The following SPRED2 variants were observed in gnomAD, a reference collection of about 807,000 sequenced individuals.
The protein encoded by SPRED2 is sprouty-related, EVH1 domain-containing protein 2.
In SPRED2, 47 loss-of-function variants were observed where a neutral mutation model predicts 43.0. That is an observed-to-expected ratio of 1.09 (90% confidence interval 0.87 to 1.40). The LOEUF is 1.40. Among genes scored for constraint, SPRED2 ranks in the 40% most tolerant of loss-of-function variants. The pLI is 0.00. For missense variants in SPRED2, 561 were observed against 586.4 expected (o/e 0.96, Z 0.45); for synonymous variants, 225 against 225.7 (o/e 1.00, Z 0.03).
chr2:65,403,433 C>T (rs922747216), intron 1 of SPRED2, among the ~76,000 whole-genome samples: 3 of 152,154 alleles, frequency 2.0e-5, no homozygotes, highest in Non-Finnish European at 4.4e-5. Context: ...GCCACTGCAC[C>T]TGGATAATTT....
At chr2:65,359,198 A>G (rs932562327) in intron 1 of SPRED2, among the ~76,000 whole-genome samples, 1 of 152,214 alleles carries the variant, frequency 6.6e-6, no homozygotes, top group African/African-American at 2.4e-5. Context: ...ACAGAGGGAC[A>G]GGATTTGTCC....
intron 1 of SPRED2, among the ~76,000 whole-genome samples, chr2:65,349,204 G>A (rs1385062107): frequency 6.6e-6 from 1 of 151,288 alleles, no homozygotes; most frequent in East Asian, 2.0e-4. Flanking sequence ...AGCTACTCAG[G>A]AGGCTGAGGC....
chr2:65,417,208 C>A (rs532489414), intron 1 of SPRED2, among the ~76,000 whole-genome samples: 1 of 152,228 alleles, frequency 6.6e-6, no homozygotes, highest in African/African-American at 2.4e-5. Flanking sequence ...ATGGGGAGAA[C>A]AGAAGGCACT....
chr2:65,330,969 T>C (rs1423908688), intron 4 of SPRED2, among the ~76,000 whole-genome samples: 2 of 144,444 alleles, frequency 1.4e-5, no homozygotes, highest in Non-Finnish European at 3.0e-5. Flanking sequence ...AAAAGTTTTA[T>C]AATAAAAAAT....
At chr2:65,341,603 T>C (rs1674188010) in intron 2 of SPRED2, among the ~76,000 whole-genome samples, 1 of 152,158 alleles carries the variant, frequency 6.6e-6, no homozygotes, top group African/African-American at 2.4e-5. Flanking sequence ...CTTAGAGCAT[T>C]GAGTTTCCCC....
chr2:65,332,110 G>A (rs1211340986), intron 3 of SPRED2, 59 bp from the exon 4 acceptor site: 15 of 1,084,286 alleles, frequency 1.4e-5, no homozygotes, highest in African/African-American at 3.2e-5. Flanking sequence ...AAATCCAACC[G>A]TTTAAAAAAG....
At chr2:65,399,022 T>TAATCCC (rs1675820077) in intron 1 of SPRED2, among the ~76,000 whole-genome samples, 2 of 152,210 alleles carry the variant, frequency 1.3e-5, no homozygotes. Flanking sequence ...CTCATGCCTG[T>TAATCCC]AATCCCAGCA....
intron 1 of SPRED2, among the ~76,000 whole-genome samples, chr2:65,399,018 C>G (rs746845611): frequency 5.3e-5 from 8 of 152,180 alleles, no homozygotes; most frequent in Admixed American, 2.0e-4. Context: ...GTGGCTCATG[C>G]CTGTAATCCC....
At chr2:65,414,352 T>C (rs1676225816) in intron 1 of SPRED2, among the ~76,000 whole-genome samples, 1 of 152,232 alleles carries the variant, frequency 6.6e-6, no homozygotes, top group Non-Finnish European at 1.5e-5. Context: ...CTATCATCAG[T>C]ATAACCTCTG....
At position 65,432,083 on chromosome 2, in the gene SPRED2, G is replaced by C. The variant is rs1207648087; in HGVS notation, c.-96C>G. ...CCCCTTCTTCACATCTCCGGAGATC[G>C]CCTGATTTGGGGAGGGGGGGCGGCT... On this transcript the variant is annotated 5_prime_UTR_variant, in exon 1 of 6. Transcript: ENST00000356388. 2.0e-6 allele frequency: 3 copies of C among 1,510,636 alleles called. No homozygotes were observed. The highest frequency in any genetic ancestry group is 1.4e-5 in the African/African-American group (1 of 72,976). The allele number at this position is 1,510,636 out of a possible 1,614,324, so 93.6% of individuals were successfully genotyped here.
At chr2:65,412,503 ATATTGAC>A (rs1324247207) in intron 1 of SPRED2, among the ~76,000 whole-genome samples, 1 of 152,194 alleles carries the variant, frequency 6.6e-6, no homozygotes, top group Non-Finnish European at 1.5e-5. Flanking sequence ...CTAGCACTAG[ATATTGAC>A]TATTTGCAAT....
At chr2:65,338,971 G>C (rs2104239976) in intron 2 of SPRED2, among the ~76,000 whole-genome samples, 1 of 146,100 alleles carries the variant, frequency 6.8e-6, no homozygotes. Context: ...GAGGTGAGGG[G>C]CGCCTCTGCC....
chr2:65,322,242 C>G (rs1177702920), intron 4 of SPRED2, among the ~76,000 whole-genome samples: 18 of 62,776 alleles, frequency 2.9e-4, no homozygotes, highest in African/African-American at 1.5e-3. Flanking sequence ...CTCTCTCTCT[C>G]TCTCTCTCTC....
intron 1 of SPRED2, among the ~76,000 whole-genome samples, chr2:65,430,904 G>A (rs1276686092): frequency 2.0e-5 from 3 of 151,770 alleles, no homozygotes; most frequent in Admixed American, 1.3e-4. Context: ...CACAGCCACT[G>A]AGCAGCAGCG....
chr2:65,402,231 A>G (rs1192034022), intron 1 of SPRED2, among the ~76,000 whole-genome samples: 2 of 134,282 alleles, frequency 1.5e-5, no homozygotes, highest in African/African-American at 2.8e-5. Flanking sequence ...TTGAGCTGAG[A>G]TCTGGCCACT....
chr2:65,397,608 ACT>A (rs1675786376), intron 1 of SPRED2, among the ~76,000 whole-genome samples: 1 of 117,998 alleles, frequency 8.5e-6, no homozygotes, highest in South Asian at 2.8e-4. Flanking sequence ...TTCTAGCATC[ACT>A]TTTTTTTTTT....
intron 1 of SPRED2, among the ~76,000 whole-genome samples, chr2:65,357,355 G>T (rs1674682609): frequency 6.6e-6 from 1 of 152,154 alleles, no homozygotes; most frequent in South Asian, 2.1e-4. Flanking sequence ...CAGAGTTCAG[G>T]TCTTCACATT....
rs1558668204 is a variant in SPRED2, at chr2:65,360,078, ACAAAAAAAAACAAAAAAAAAAC to A, written c.27-15204_27-15183del. Among the ~76,000 whole-genome samples the A allele has an allele frequency of 5.7e-4, 53 of 93,408 alleles. 1 individual carries two copies. Among genetic ancestry groups the A allele is most frequent in the Admixed American group, 3.1e-3 (23 of 7,346 alleles). The allele number at this position is 93,408 out of a possible 152,430, so 61.3% of individuals were successfully genotyped here. On this transcript the variant is annotated intron_variant, in intron 1 of 5. Transcript: ENST00000356388. ...AGACTCCATCTCAAAAAAAAAAAAAACAAAAAAAAACAAAAAAAAAACAAAAAAAAAAAAAACAAAGACCAAA... is the reference window on the plus strand; with the variant it reads ...AGACTCCATCTCAAAAAAAAAAAAAAAAAAAAAAAAAAAACAAAGACCAAA...
intron 1 of SPRED2, chr2:65,366,488 A>G (rs1371216338): frequency 8.1e-7 from 1 of 1,241,412 alleles, no homozygotes; most frequent in African/African-American, 1.5e-5. Flanking sequence ...TACAACTAGG[A>G]TAAATTTTCT....
Sources: allele counts gnomAD v4.1 joint callset (sites outside exome capture counted in the v4.1 genomes callset), GRCh38; gene constraint gnomAD v4.1.1; transcripts MANE v1.5; gene names NCBI Gene and HGNC (gene_info 2026-07-23, HGNC 2026-07-21).